DLX6: variants seen among roughly 807,000 people sequenced by gnomAD.
DLX6 encodes homeobox protein DLX-6.
DLX6 carries 4 observed loss-of-function variants against 33.5 expected under a neutral mutation model. That is an observed-to-expected ratio of 0.12 (90% CI 0.06 to 0.27). The LOEUF is 0.27. Among genes scored for constraint, DLX6 ranks in the 10% least tolerant of loss-of-function variants. DLX6 has a pLI of 1.00. For synonymous variants in DLX6, 184 were observed against 164.8 expected, an observed-to-expected ratio of 1.12 and a Z score of -0.89; for missense variants, 382 against 393.3, an observed-to-expected ratio of 0.97 and a Z score of 0.24.
At chr7:97,007,963 T>A in intron 2 of DLX6, 132 bp downstream of exon 2, 1 of 914,488 alleles carries the variant, frequency 1.1e-6, no homozygotes, top group Non-Finnish European at 1.6e-6. Context: ...TGCCTTTTGC[T>A]CCAGTTATGC....
chr7:97,005,998 G>A lies in DLX6; in HGVS notation c.21G>A (p.Met7Ile), dbSNP rs1217589906. MMTMTT[M>I]ADGLEGQDSS... ...TTTTGATGATGACCATGACTACGAT[G>A]GCTGACGGCTTGGAAGGCCAGGACT... Residue 7 changes from methionine to isoleucine, a missense_variant, in exon 1 of 3, where the codon ATG becomes ATA. Coordinates refer to ENST00000518156, the MANE Select transcript of DLX6 (RefSeq NM_005222.4). The A allele has an allele frequency of 3.1e-6, 5 of 1,596,464 alleles. No homozygotes were observed. The highest frequency in any genetic ancestry group is 3.4e-6 in the Non-Finnish European group (4 of 1,171,616).
rs1438472300 is a variant in DLX6, at chr7:97,005,831, C to T, written c.-147C>T. ...GGAGAGGGAGAACCACCTCCACCCC[C>T]CTCTTTAAATTCTTTTTTTTTTTTT... is the stretch of plus-strand genomic sequence containing the variant. On this transcript the variant is annotated 5_prime_UTR_variant, in exon 1 of 3. Coordinates refer to ENST00000518156, the MANE Select transcript of DLX6 (RefSeq NM_005222.4). 2 of 602,826 alleles carry T rather than the reference C, an allele frequency of 3.3e-6. No individual in the cohort carries two copies. The highest frequency in any genetic ancestry group is 5.4e-6 in the Non-Finnish European group (2 of 368,014). The allele number at this position is 602,826 out of a possible 1,614,324, so 37.3% of individuals were successfully genotyped here. A position where few individuals can be genotyped will look rare whatever the true frequency, so the allele number is the denominator to read the frequency against.
rs1392917330 is a variant in DLX6, at chr7:97,005,562, G to C, written c.-416G>C. The C allele has an allele frequency of 1.3e-5, 2 of 152,620 alleles. No individual in the cohort carries two copies. Among genetic ancestry groups the C allele is most frequent in the East Asian group, 1.9e-4 (1 of 5,186 alleles). 9.5% of individuals were successfully genotyped at this position (152,620 alleles called of 1,614,324 possible). On this transcript the variant is annotated 5_prime_UTR_variant, in exon 1 of 3. Transcript: ENST00000518156. ...CCTTTGGAGACAAACCATTCGACTC[G>C]TGGCGTCTGCATCAAGTCTGAAAGC... is the stretch of plus-strand genomic sequence containing the variant.
chr7:97,010,011 A>G lies in DLX6; in HGVS notation c.846A>G (p.Pro282=), dbSNP rs373065383. 1.2e-3 allele frequency: 1,964 copies of G among 1,604,058 alleles called. No homozygotes were observed. Among genetic ancestry groups the G allele is most frequent in the Middle Eastern group, 1.5e-3 (9 of 6,048 alleles). Residue 282 remains proline, a synonymous_variant, in exon 3 of 3, where the codon CCA becomes CCG. Coordinates refer to ENST00000518156, the MANE Select transcript of DLX6 (RefSeq NM_005222.4). Reference sequence around the variant, plus strand: ...GCTATTCTCACTGGTACTCCTCTCCACACCAGGACACGATGCAGAGACCAC... The same window carrying G: ...GCTATTCTCACTGGTACTCCTCTCCGCACCAGGACACGATGCAGAGACCAC... ...MPGYSHWYSS[P]HQDTMQRPQM...
intron 1 of DLX6, chr7:97,007,330 G>T: frequency 1.7e-6 from 1 of 590,062 alleles, no homozygotes. Context: ...GCCTTGCTGC[G>T]CTGCGCACCC....
chr7:97,007,852 G>GT lies in DLX6; in HGVS notation c.630+22dup, dbSNP rs1205754916. ...CACAGGTAATTCCCGAGAAGCCCAA[G>GT]TATCCCTGAAATGCTGGTACCGCTT... On this transcript the variant is annotated intron_variant, in intron 2 of 2. Coordinates refer to ENST00000518156, the MANE Select transcript of DLX6 (RefSeq NM_005222.4). 5 of 1,559,270 alleles carry GT rather than the reference G, an allele frequency of 3.2e-6. No individual in the cohort carries two copies. The African/African-American group carries it at 6.9e-5, about 21-fold the overall frequency.
At chr7:97,008,950 C>G (rs1789792362) in intron 2 of DLX6, among the ~76,000 whole-genome samples, 4 of 152,130 alleles carry the variant, frequency 2.6e-5, no homozygotes, top group African/African-American at 9.7e-5. Context: ...GAAGCTGCAC[C>G]ATAAAATTTC....
At chr7:97,009,273 C>T (rs543610714) in intron 2 of DLX6, among the ~76,000 whole-genome samples, 1 of 152,312 alleles carries the variant, frequency 6.6e-6, no homozygotes, top group South Asian at 2.1e-4. Flanking sequence ...GGCTTTAATT[C>T]CTTCAGTCAT....
chr7:97,006,192 A>C lies in DLX6; in HGVS notation c.215A>C (p.His72Pro). 1 of 1,515,694 alleles carries C rather than the reference A, an allele frequency of 6.6e-7. No individual in the cohort carries two copies. Among genetic ancestry groups the C allele is most frequent in the Non-Finnish European group, 8.9e-7 (1 of 1,127,096 alleles). The allele number at this position is 1,515,694 out of a possible 1,614,324, so 93.9% of individuals were successfully genotyped here. A position where few individuals can be genotyped will look rare whatever the true frequency, so the allele number is the denominator to read the frequency against. The change falls in exon 1 of 3, where the codon CAC (histidine) becomes CCC (proline). Residue 72 changes from histidine (H) to proline (P), a missense_variant. Physicochemically the swap from His to Pro is moderately conservative, Grantham distance 77. This residue lies in a region of DLX6 where 257 missense variants were observed against 206.9 expected (regional missense o/e 1.24). Coordinates refer to ENST00000518156, the MANE Select transcript of DLX6 (RefSeq NM_005222.4). ...ATGGCAGGCGCGCACTACCCTCTGC[A>C]CTGCCTGCACTCGGCGGCGGCGGCG... ...PAMAGAHYPL[H>P]CLHSAAAAAA...
intron 2 of DLX6, among the ~76,000 whole-genome samples, chr7:97,008,881 T>G (rs1789791048): frequency 6.6e-6 from 1 of 152,240 alleles, no homozygotes; most frequent in Admixed American, 6.5e-5. Context: ...GGCTATTCAG[T>G]GACTTGTATG....
At chr7:97,008,394 G>A (rs972850886) in intron 2 of DLX6, among the ~76,000 whole-genome samples, 13 of 152,334 alleles carry the variant, frequency 8.5e-5, no homozygotes, top group South Asian at 6.2e-4. Flanking sequence ...CCTAAGCACG[G>A]TGGTTAAGTC....
intron 2 of DLX6, 59 bp downstream of exon 2, chr7:97,007,890 G>T: frequency 6.8e-7 from 1 of 1,470,894 alleles, no homozygotes; most frequent in East Asian, 2.4e-5. Context: ...AGATCGGGCA[G>T]GGAGCACATC....
Position 97,009,969 on chromosome 7 carries a change from C to A in DLX6, c.804C>A (p.Pro268=). Residue 268 remains proline (P), a synonymous_variant, in exon 3 of 3, where the codon CCC becomes CCA. Transcript: ENST00000518156. ...SASAKGVSMP[P]NSYMPGYSHW... The stretch of plus-strand genomic sequence containing the variant: ...CGGCCAAGGGTGTCAGTATGCCCCC[C>A]AACAGCTACATGCCTGGCTATTCTC... The A allele has an allele frequency of 6.2e-7, 1 of 1,613,368 alleles. No individual in the cohort carries two copies. The highest frequency in any genetic ancestry group is 1.1e-5 in the South Asian group (1 of 90,994).
At position 97,006,060 on chromosome 7, in the gene DLX6, A is replaced by C; in HGVS notation, c.83A>C (p.Gln28Pro). ...GCCTTCATGGAGTTCGGGCAGCAGC[A>C]GCAGCAGCAGCAGCAACAGCAGCAG... ...KSAFMEFGQQ[Q>P]QQQQQQQQQQ... Residue 28 changes from glutamine (Q) to proline (P), a missense_variant, in exon 1 of 3, where the codon CAG becomes CCG. Around this residue, in one of 4 missense-constraint regions of DLX6, gnomAD observed 257 missense variants for 206.9 expected, o/e 1.24. Transcript: ENST00000518156. The C allele has an allele frequency of 1.3e-6, 2 of 1,577,794 alleles. No homozygotes were observed. The highest frequency in any genetic ancestry group is 2.3e-5 in the South Asian group (2 of 86,384).
rs768021315 is a variant in DLX6 at position 97,009,964 on chromosome 7, C to T, written c.799C>T (p.Pro267Ser). ...VSASAKGVSM[P>S]PNSYMPGYSH... ...TGCCTCGGCCAAGGGTGTCAGTATG[C>T]CCCCCAACAGCTACATGCCTGGCTA... The change falls in exon 3 of 3, where the codon CCC becomes TCC. Residue 267 changes from proline to serine, a missense_variant. Pro to Ser is a moderately conservative substitution (Grantham distance 74). Around this residue, in one of 4 missense-constraint regions of DLX6, gnomAD observed 96 missense variants for 93.3 expected, o/e 1.03. Transcript: ENST00000518156. The T allele has an allele frequency of 1.1e-5, 17 of 1,612,950 alleles. No individual in the cohort carries two copies. The highest frequency in any genetic ancestry group is 3.3e-5 in the Admixed American group (2 of 59,844).
In DLX6 at chr7:97,010,324, G is replaced by A. The variant is rs2115878119; in HGVS notation, c.*277G>A. 2.6e-6 allele frequency: 1 copy of A among 380,270 alleles called. No individual in the cohort carries two copies. The highest frequency in any genetic ancestry group is 4.4e-5 in the East Asian group (1 of 22,512). 23.6% of individuals were successfully genotyped at this position (380,270 alleles called of 1,614,324 possible). ...TTTTCTCATTTACCTTCTCTCTTGAGCAACGTCAGTAATTGATCTTGCATC... is the reference window on the plus strand; with the variant it reads ...TTTTCTCATTTACCTTCTCTCTTGAACAACGTCAGTAATTGATCTTGCATC... On this transcript the variant is annotated 3_prime_UTR_variant, in exon 3 of 3. Transcript: ENST00000518156.
chr7:97,006,139 G>C lies in DLX6; in HGVS notation c.162G>C (p.Gln54His). 6.5e-7 allele frequency: 1 copy of C among 1,542,386 alleles called. No homozygotes were observed. The highest frequency in any genetic ancestry group is 8.8e-7 in the Non-Finnish European group (1 of 1,141,224). Residue 54 changes from glutamine (Q) to histidine (H), a missense_variant, in exon 1 of 3, where the codon CAG (glutamine) becomes CAC (histidine). This residue lies in a region of DLX6 where 257 missense variants were observed against 206.9 expected (regional missense o/e 1.24). Transcript: ENST00000518156. ...CGCCGCCGCCGCCGCCGCCGCCGCA[G>C]CCGCACTCGCAGCAGAGCTCCCCGG... ...QPPPPPPPPPQPHSQQSSPAM... is the reference protein window; with the variant it reads ...QPPPPPPPPPHPHSQQSSPAM...
intron 1 of DLX6, chr7:97,006,645 G>T (rs556494965): frequency 2.4e-5 from 5 of 204,142 alleles, no homozygotes; most frequent in Non-Finnish European, 4.6e-5. Flanking sequence ...GCGCAGTTCG[G>T]GCTGAGTCCC....
rs1035122958 is a variant in DLX6, at chr7:97,010,351, CAG to C, written c.*314_*315del. On this transcript the variant is annotated 3_prime_UTR_variant, in exon 3 of 3. Coordinates refer to ENST00000518156, the MANE Select transcript of DLX6 (RefSeq NM_005222.4). The stretch of plus-strand genomic sequence containing the variant: ...AACGTCAGTAATTGATCTTGCATCT[CAG>C]AGAGAGAGAAAGAGCATGTGTGAGA... The C allele has an allele frequency of 8.0e-5, 25 of 312,416 alleles. No individual in the cohort carries two copies. Among genetic ancestry groups the C allele is most frequent in the South Asian group, 1.3e-4 (2 of 14,952 alleles). The allele number at this position is 312,416 out of a possible 1,614,324, so 19.4% of individuals were successfully genotyped here. A position where few individuals can be genotyped will look rare whatever the true frequency, so the allele number is the denominator to read the frequency against.
Sources: allele counts gnomAD v4.1 joint callset (sites outside exome capture counted in the v4.1 genomes callset), GRCh38; gene constraint gnomAD v4.1.1; regional missense constraint gnomAD v4.1.1; transcripts MANE v1.5; gene names NCBI Gene and HGNC (gene_info 2026-07-23, HGNC 2026-07-21).